Variants in TCP11L2 observed in about 807,000 individuals in gnomAD.
The protein encoded by TCP11L2 is T-complex protein 11-like protein 2.
Under a neutral mutation model 50.7 loss-of-function variants are expected in TCP11L2, and 39 were observed. The ratio of observed to expected loss-of-function variants is 0.77; its 90% CI spans 0.60 to 1.01. The LOEUF is 1.01. Among genes scored for constraint, TCP11L2 ranks in the 50% least tolerant of loss-of-function variants. TCP11L2 has a pLI of 0.00. For missense variants in TCP11L2, 612 were observed against 614.7 expected, an observed-to-expected ratio of 1.00 and a Z score of 0.05; for synonymous variants, 192 against 219.3, an observed-to-expected ratio of 0.88 and a Z score of 1.10.
chr12:106,303,251 A>C lies in TCP11L2; in HGVS notation c.-36+310A>C, dbSNP rs375016846. The C allele has an allele frequency of 2.0e-4, 30 of 152,640 alleles. No homozygotes were observed. In the East Asian group the frequency reaches 3.3e-3, roughly 17 times the overall value. 9.5% of individuals were successfully genotyped at this position (152,640 alleles called of 1,614,324 possible). A position where few individuals can be genotyped will look rare whatever the true frequency, so the allele number is the denominator to read the frequency against. ...TTCGCCGCTGTTTAAATCCTGCTGG[A>C]CAGGTACCAGCGGCATCCCGCCATC... On this transcript the variant is annotated intron_variant, in intron 1 of 9. Transcript: ENST00000299045.
In TCP11L2 at chr12:106,323,538, C is replaced by T; in HGVS notation, c.664C>T (p.Gln222Ter). 3 of 1,607,154 alleles carry T rather than the reference C, an allele frequency of 1.9e-6. No individual in the cohort carries two copies. Among genetic ancestry groups the T allele is most frequent in the Non-Finnish European group, 2.6e-6 (3 of 1,176,336 alleles). The change falls in exon 6 of 10, where the codon CAA becomes TAA. Residue 222 changes from glutamine to a stop codon, truncating the protein, a stop_gained. Transcript: ENST00000299045. LOFTEE classifies it high-confidence loss of function. ...AATATTCCATGTCCTGGACCTCATG[C>T]AAATGGACATGGCCAATTTTACAAT... ...RQIFHVLDLMQMDMANFTIMS... is the reference protein window; with the variant it reads ...RQIFHVLDLM
intron 6 of TCP11L2, among the ~76,000 whole-genome samples, chr12:106,332,202 C>T (rs1034211104): frequency 1.8e-4 from 28 of 152,218 alleles, no homozygotes; most frequent in African/African-American, 6.0e-4. Context: ...TATAAATTTA[C>T]AATTAAATAC....
chr12:106,344,556 A>G (rs2036178779), intron 9 of TCP11L2, among the ~76,000 whole-genome samples: 1 of 152,220 alleles, frequency 6.6e-6, no homozygotes, highest in Non-Finnish European at 1.5e-5. Context: ...AGGGCATTCT[A>G]GTAAAAGGAA....
At chr12:106,339,997 G>A (rs887134385) in intron 8 of TCP11L2, among the ~76,000 whole-genome samples, 2 of 152,198 alleles carry the variant, frequency 1.3e-5, no homozygotes, top group African/African-American at 4.8e-5. Context: ...GAAGTTCAGT[G>A]GTAGAGCCAG....
intron 9 of TCP11L2, among the ~76,000 whole-genome samples, chr12:106,341,309 A>G (rs111483240): frequency 1.3e-5 from 2 of 152,202 alleles, no homozygotes; most frequent in African/African-American, 4.8e-5. Context: ...AGCTGGCAGT[A>G]TGTTCACAGA....
At chr12:106,319,451 G>C (rs559898476) in intron 4 of TCP11L2, among the ~76,000 whole-genome samples, 1 of 152,344 alleles carries the variant, frequency 6.6e-6, no homozygotes, top group African/African-American at 2.4e-5. Context: ...TTCACTGGCA[G>C]AGTTTCCCCC....
Position 106,323,590 on chromosome 12 carries a change from G to A in TCP11L2, c.716G>A (p.Arg239His), listed in dbSNP as rs756515281. 6.2e-6 allele frequency: 10 copies of A among 1,607,008 alleles called. No individual in the cohort carries two copies. The highest frequency in any genetic ancestry group is 3.4e-5 in the Admixed American group (2 of 58,720). Residue 239 changes from arginine to histidine, a missense_variant, in exon 6 of 10, where the codon CGC becomes CAC. By Grantham distance (29) the Arg-to-His change is conservative. Transcript: ENST00000299045. Reference protein sequence around the residue: ...TIMSLRPHLQRQLVEYERTKF... With the variant: ...TIMSLRPHLQHQLVEYERTKF... Reference sequence around the variant, plus strand: ...ATGAGTCTCAGACCGCACCTTCAACGCCAGTTGGTGGAATATGAGAGAACC... The same window carrying A: ...ATGAGTCTCAGACCGCACCTTCAACACCAGTTGGTGGAATATGAGAGAACC...
intron 3 of TCP11L2, among the ~76,000 whole-genome samples, chr12:106,315,697 TC>T (rs1483069208): frequency 7.9e-5 from 12 of 151,688 alleles, no homozygotes; most frequent in African/African-American, 2.9e-4. Flanking sequence ...AAGAGGCACT[TC>T]CTGGTTAACC....
intron 6 of TCP11L2, among the ~76,000 whole-genome samples, chr12:106,326,903 T>C (rs1014606866): frequency 5.3e-5 from 8 of 152,208 alleles, no homozygotes; most frequent in Admixed American, 1.3e-4. Flanking sequence ...CCAAGGGCTA[T>C]GTTGTTTTAG....
chr12:106,310,698 C>T (rs762264471), intron 1 of TCP11L2, among the ~76,000 whole-genome samples: 11 of 152,184 alleles, frequency 7.2e-5, no homozygotes, highest in Non-Finnish European at 1.6e-4. Flanking sequence ...GACCCAAGTC[C>T]CACACTCCCG....
intron 6 of TCP11L2, chr12:106,330,291 TAGAG>T (rs2035701795): frequency 4.1e-6 from 4 of 985,178 alleles, no homozygotes; most frequent in Non-Finnish European, 4.8e-6. Context: ...AAGAACTACT[TAGAG>T]CAAAAGTAAA....
intron 8 of TCP11L2, among the ~76,000 whole-genome samples, chr12:106,338,326 T>A (rs947550684): frequency 6.6e-6 from 1 of 152,180 alleles, no homozygotes. Flanking sequence ...GACCTCCACC[T>A]TTAAGTGTAG....
In TCP11L2 at chr12:106,329,466, T is replaced by A. The variant is rs1227421670; in HGVS notation, c.772+5820T>A. On this transcript the variant is annotated intron_variant, in intron 6 of 9. Transcript: ENST00000299045. ...GAGCCAACGTTTCACTCTAAACGCA[T>A]GCTCCTTCTGCTTTACCGGTCATTC... The A allele has an allele frequency of 3.9e-6, 6 of 1,522,226 alleles. No individual in the cohort carries two copies. The African/African-American group carries it at 8.3e-5, about 21-fold the overall frequency. 94.3% of individuals were successfully genotyped at this position (1,522,226 alleles called of 1,614,324 possible). A position where few individuals can be genotyped will look rare whatever the true frequency, so the allele number is the denominator to read the frequency against.
In TCP11L2 at chr12:106,314,475, A is replaced by G; in HGVS notation, c.275A>G (p.Glu92Gly). 1.2e-6 allele frequency: 2 copies of G among 1,611,626 alleles called. No individual in the cohort carries two copies. The highest frequency in any genetic ancestry group is 1.7e-6 in the Non-Finnish European group (2 of 1,178,574). The change falls in exon 3 of 10, where the codon GAG becomes GGG. Residue 92 changes from glutamate to glycine, a missense_variant. Transcript: ENST00000299045. ...AATGAGAACTTTCAATTGAAACAAG[A>G]GGCTCTCCCAGAAAAGAGGTAACCT... The part of the protein sequence containing the change: ...AVNENFQLKQ[E>G]ALPEKSLAGR...
chr12:106,316,830 C>T (rs989039483), intron 3 of TCP11L2, among the ~76,000 whole-genome samples: 2 of 152,148 alleles, frequency 1.3e-5, no homozygotes, highest in Non-Finnish European at 2.9e-5. Context: ...CATTTATTGA[C>T]TAATACAAAT....
intron 1 of TCP11L2, among the ~76,000 whole-genome samples, chr12:106,310,527 T>C (rs1439876859): frequency 1.3e-5 from 2 of 152,218 alleles, no homozygotes; most frequent in Non-Finnish European, 2.9e-5. Flanking sequence ...TAATAGCAGC[T>C]AACATTTGAG....
intron 8 of TCP11L2, among the ~76,000 whole-genome samples, chr12:106,339,358 C>T (rs1371380370): frequency 6.6e-6 from 1 of 151,960 alleles, no homozygotes; most frequent in Non-Finnish European, 1.5e-5. Context: ...GTTTAAGTTC[C>T]TTGTAGATTC....
upstream of TCP11L2, among the ~76,000 whole-genome samples, chr12:106,298,458 A>G (rs1416094110): frequency 6.6e-6 from 1 of 152,232 alleles, no homozygotes; most frequent in Non-Finnish European, 1.5e-5. Context: ...TAGCACCTGA[A>G]GATGGACAGG....
intron 9 of TCP11L2, among the ~76,000 whole-genome samples, chr12:106,341,768 A>G (rs1379791879): frequency 2.0e-5 from 3 of 152,148 alleles, no homozygotes; most frequent in African/African-American, 4.8e-5. Context: ...ACAACCTTCC[A>G]TATTTAAGTC....
Sources: gnomAD v4.1 joint callset for allele counts (sites outside exome capture counted in the v4.1 genomes callset) on GRCh38, gnomAD v4.1.1 for gene constraint, MANE v1.5 for transcripts, NCBI Gene and HGNC (gene_info 2026-07-23, HGNC 2026-07-21) for gene names.